ITGB3BP: variants seen among roughly 807,000 people sequenced by gnomAD.
ITGB3BP encodes the protein integrin subunit beta 3 binding protein.
Under a neutral mutation model 29.1 loss-of-function variants are expected in ITGB3BP, and 27 were observed. The ratio of observed to expected loss-of-function variants is 0.93; its 90% confidence interval spans 0.68 to 1.28. ITGB3BP has a LOEUF of 1.28. Ranked by LOEUF, ITGB3BP falls within the 50% of genes most tolerant of loss-of-function variation. The pLI, the probability that ITGB3BP is intolerant of heterozygous loss-of-function variation, is 0.00. For synonymous variants in ITGB3BP, 61 were observed against 61.4 expected (o/e 0.99, Z 0.03); for missense variants, 192 against 200.2 (o/e 0.96, Z 0.25).
chr1:63,505,255 G>A (rs368260451), intron 2 of ITGB3BP, among the ~76,000 whole-genome samples: 14 of 152,164 alleles, frequency 9.2e-5, no homozygotes, highest in South Asian at 8.3e-4. Context: ...TGTATGTGTC[G>A]AGGAATTTAT....
chr1:63,524,531 A>G (rs927526878), upstream of ITGB3BP, among the ~76,000 whole-genome samples: 2 of 152,226 alleles, frequency 1.3e-5, no homozygotes, highest in East Asian at 1.9e-4. Context: ...TAGGAATGCA[A>G]TGAGTCCTGA....
intron 2 of ITGB3BP, among the ~76,000 whole-genome samples, chr1:63,496,520 T>C (rs2100710207): frequency 6.6e-6 from 1 of 152,310 alleles, no homozygotes; most frequent in African/African-American, 2.4e-5. Flanking sequence ...AATATTTTTA[T>C]ATATTTTAAT....
intron 4 of ITGB3BP, among the ~76,000 whole-genome samples, chr1:63,467,508 A>G (rs1437553204): frequency 7.5e-6 from 1 of 133,594 alleles, no homozygotes; most frequent in Non-Finnish European, 1.6e-5. Context: ...CACCACATCC[A>G]GCTTGCTTGC....
At chr1:63,473,616 G>C (rs1161653467) in intron 4 of ITGB3BP, among the ~76,000 whole-genome samples, 1 of 135,638 alleles carries the variant, frequency 7.4e-6, no homozygotes, top group Non-Finnish European at 1.6e-5. Flanking sequence ...CCGGGAGGGA[G>C]GTGGGGGGGT....
intron 1 of ITGB3BP, among the ~76,000 whole-genome samples, chr1:63,511,878 C>T (rs1439906967): frequency 6.6e-6 from 1 of 151,858 alleles, no homozygotes; most frequent in East Asian, 1.9e-4. Context: ...GGTTGCACAA[C>T]AAGGTAAACA....
chr1:63,457,615 T>A (rs957249808), intron 4 of ITGB3BP: 2 of 152,216 alleles, frequency 1.3e-5, no homozygotes, highest in Non-Finnish European at 2.9e-5. Context: ...TTCAAAGTTA[T>A]TGTGGCTCTT....
At chr1:63,507,481 G>A (rs958534052) in intron 2 of ITGB3BP, among the ~76,000 whole-genome samples, 1 of 152,096 alleles carries the variant, frequency 6.6e-6, no homozygotes, top group Non-Finnish European at 1.5e-5. Context: ...GAACAGCTTT[G>A]GGGTAGGAAA....
At chr1:63,520,852 T>C (rs1198485373) in intron 1 of ITGB3BP, among the ~76,000 whole-genome samples, 1 of 152,184 alleles carries the variant, frequency 6.6e-6, no homozygotes, top group Non-Finnish European at 1.5e-5. Context: ...TCTTATCATA[T>C]ACATATATAA....
At chr1:63,446,615 T>C (rs560924759) in intron 8 of ITGB3BP, 191 bp downstream of exon 8, 2 of 571,732 alleles carry the variant, frequency 3.5e-6, no homozygotes, top group Non-Finnish European at 6.4e-6. Flanking sequence ...AGCCTCTAAC[T>C]GATGTCAGAT....
intron 7 of ITGB3BP, among the ~76,000 whole-genome samples, chr1:63,448,408 G>C (rs1202883009): frequency 6.6e-6 from 1 of 151,860 alleles, no homozygotes; most frequent in Admixed American, 6.6e-5. Flanking sequence ...AGAGGTTCCA[G>C]AGGGCTGAAG....
intron 4 of ITGB3BP, among the ~76,000 whole-genome samples, chr1:63,476,274 C>T (rs1197976840): frequency 6.6e-6 from 1 of 152,092 alleles, no homozygotes; most frequent in East Asian, 2.0e-4. Flanking sequence ...AGTGATTCTC[C>T]TGCCTCAGCC....
At chr1:63,505,060 T>C (rs1286886656) in intron 2 of ITGB3BP, among the ~76,000 whole-genome samples, 2 of 152,330 alleles carry the variant, frequency 1.3e-5, no homozygotes, top group Admixed American at 6.5e-5. Context: ...CTTTTTCTAT[T>C]GATTGGAATA....
intron 2 of ITGB3BP, among the ~76,000 whole-genome samples, chr1:63,504,188 T>C (rs1433271829): frequency 2.0e-5 from 3 of 151,954 alleles, no homozygotes; most frequent in African/African-American, 7.3e-5. Flanking sequence ...TTTTATTTCA[T>C]TGAGCAGTGG....
intron 3 of ITGB3BP, among the ~76,000 whole-genome samples, chr1:63,483,226 T>G (rs1232679573): frequency 6.6e-6 from 1 of 152,196 alleles, no homozygotes; most frequent in South Asian, 2.1e-4. Flanking sequence ...ATATTAAACC[T>G]TGTCATATTT....
At chr1:63,459,575 T>C (rs11804406) in intron 4 of ITGB3BP, among the ~76,000 whole-genome samples, 3,258 of 152,266 alleles carry the variant, frequency 0.021, 125 homozygotes, top group African/African-American at 0.074. Flanking sequence ...TTAACATTTT[T>C]TTAATGCTTT....
At chr1:63,446,002 C>A (rs1644786724) in intron 8 of ITGB3BP, among the ~76,000 whole-genome samples, 1 of 152,146 alleles carries the variant, frequency 6.6e-6, no homozygotes, top group Admixed American at 6.5e-5. Flanking sequence ...CTCCTGGGTT[C>A]AAGCGATTCT....
At chr1:63,444,613 T>C (rs1370008615) in intron 8 of ITGB3BP, among the ~76,000 whole-genome samples, 1 of 111,400 alleles carries the variant, frequency 9.0e-6, no homozygotes, top group Non-Finnish European at 2.1e-5. Flanking sequence ...TATATATATA[T>C]CTCCTATTAC....
At chr1:63,476,896 T>C (rs1645349810) in intron 4 of ITGB3BP, among the ~76,000 whole-genome samples, 1 of 152,258 alleles carries the variant, frequency 6.6e-6, no homozygotes, top group Non-Finnish European at 1.5e-5. Context: ...CCTGTGTACA[T>C]ATATTTCCTA....
At chr1:63,475,847 A>G (rs2100612514) in intron 4 of ITGB3BP, among the ~76,000 whole-genome samples, 1 of 151,746 alleles carries the variant, frequency 6.6e-6, no homozygotes, top group Non-Finnish European at 1.5e-5. Flanking sequence ...AAAATACAAA[A>G]ATTAGCCGTG....
Sources: allele counts gnomAD v4.1 joint callset (sites outside exome capture counted in the v4.1 genomes callset), GRCh38; gene constraint gnomAD v4.1.1; transcripts MANE v1.5; gene names NCBI Gene and HGNC (gene_info 2026-07-23, HGNC 2026-07-21).